NSF: variants seen among roughly 807,000 people sequenced by gnomAD.
NSF encodes vesicle-fusing ATPase.
A neutral mutation model predicts 50.3 loss-of-function variants in NSF; 14 were observed. The observed-to-expected ratio is 0.28, with a 90% CI of 0.18 to 0.44. The LOEUF (loss-of-function observed/expected upper bound fraction) is 0.44, where lower values mean the gene tolerates loss of function less well. Among genes scored for constraint, NSF ranks in the 20% least tolerant of loss-of-function variants. The pLI is 1.00. For synonymous variants in NSF, 109 were observed against 175.7 expected (o/e 0.62, Z 3.00); for missense variants, 218 against 504.3 (o/e 0.43, Z 5.44).
rs533376609 is a variant in NSF at position 46,601,878 on chromosome 17, T to TAAA, written c.12+11104_12+11106dup. Among the ~76,000 whole-genome samples, 93 of 140,748 alleles carry TAAA rather than the reference T, an allele frequency of 6.6e-4. 1 individual carries two copies. The highest frequency in any genetic ancestry group is 3.7e-3 in the Middle Eastern group (1 of 272). 92.3% of individuals were successfully genotyped at this position (140,748 alleles called of 152,430 possible). A position where few individuals can be genotyped will look rare whatever the true frequency, so the allele number is the denominator to read the frequency against. ...GGGAACAACTTAATCCCCACTCCTT[T>TAAA]AAAAAAAAAAAAAAAGACACTTTGG... On this transcript the variant is annotated intron_variant, in intron 1 of 20. Transcript: ENST00000398238.
intron 1 of NSF, among the ~76,000 whole-genome samples, chr17:46,622,420 G>T (rs2146135224): frequency 6.7e-6 from 1 of 150,044 alleles, no homozygotes; most frequent in Non-Finnish European, 1.5e-5. Flanking sequence ...ATCGCACCAG[G>T]GCAGTCCAGC....
At chr17:46,744,535 G>A (rs2059108820) in intron 17 of NSF, among the ~76,000 whole-genome samples, 2 of 152,024 alleles carry the variant, frequency 1.3e-5, no homozygotes, top group African/African-American at 4.8e-5. Context: ...TTTCTTTCCT[G>A]CATAACTGAC....
At chr17:46,721,479 A>G in intron 15 of NSF, 1 of 728,384 alleles carries the variant, frequency 1.4e-6, no homozygotes, top group Admixed American at 2.3e-5. Context: ...GTATGTTGAT[A>G]ATTTTACCTG....
intron 17 of NSF, 89 bp downstream of exon 17, chr17:46,729,023 A>G: frequency 1.2e-6 from 1 of 800,998 alleles, no homozygotes. Flanking sequence ...TAAGCAGGTT[A>G]TCATAAACAT....
intron 15 of NSF, among the ~76,000 whole-genome samples, 193 bp downstream of exon 15, chr17:46,714,179 T>C (rs1021246760): frequency 3.9e-5 from 6 of 152,242 alleles, no homozygotes; most frequent in African/African-American, 9.6e-5. Flanking sequence ...ATGTATTTTA[T>C]TGAGTACCTT....
chr17:46,744,106 G>A (rs567945957), intron 17 of NSF, among the ~76,000 whole-genome samples: 5 of 152,014 alleles, frequency 3.3e-5, no homozygotes, highest in Non-Finnish European at 5.9e-5. Flanking sequence ...GGTGCCCTCC[G>A]CCATGATTAG....
At chr17:46,736,140 A>T in intron 17 of NSF, among the ~76,000 whole-genome samples, 1 of 152,136 alleles carries the variant, frequency 6.6e-6, no homozygotes, top group East Asian at 1.9e-4. Flanking sequence ...CCCATCTCTC[A>T]TTCACTGAAA....
intron 20 of NSF, 199 bp downstream of exon 20, chr17:46,755,568 TC>T: frequency 1.5e-6 from 1 of 686,492 alleles, no homozygotes. Flanking sequence ...TCGCAAAACT[TC>T]CTTGTCACAA....
At chr17:46,740,527 TAA>T (rs113782831) in intron 17 of NSF, among the ~76,000 whole-genome samples, 2 of 152,274 alleles carry the variant, frequency 1.3e-5, no homozygotes, top group African/African-American at 4.8e-5. Context: ...ACTGTGGATA[TAA>T]GAGTGGGGAG....
intron 17 of NSF, among the ~76,000 whole-genome samples, chr17:46,739,370 CAAAAAAAAAA>C (rs1230180574): frequency 1.9e-5 from 1 of 53,192 alleles, no homozygotes; most frequent in Admixed American, 3.5e-4. Context: ...GACTCTGTCT[CAAAAAAAAAA>C]AAAAAAAAAA....
intron 17 of NSF, among the ~76,000 whole-genome samples, chr17:46,731,240 CCA>C (rs2058945827): frequency 6.6e-6 from 1 of 152,012 alleles, no homozygotes; most frequent in South Asian, 2.1e-4. Context: ...GTCAAAAAGA[CCA>C]CATATTGGAT....
At chr17:46,721,974 G>C in intron 15 of NSF, 1 of 1,604,736 alleles carries the variant, frequency 6.2e-7, no homozygotes, top group Admixed American at 1.7e-5. Context: ...TGAGGAACGG[G>C]AACAAAGATT....
chr17:46,725,133 C>T (rs959267329), intron 15 of NSF, among the ~76,000 whole-genome samples: 10 of 151,940 alleles, frequency 6.6e-5, no homozygotes, highest in Admixed American at 5.2e-4. Flanking sequence ...AATATATATA[C>T]GTAATATACA....
chr17:46,754,512 A>T (rs188018376), intron 19 of NSF, among the ~76,000 whole-genome samples: 11 of 152,224 alleles, frequency 7.2e-5, no homozygotes, highest in Admixed American at 7.2e-4. Flanking sequence ...TTACAATAAA[A>T]ATTCATCTTC....
intron 9 of NSF, among the ~76,000 whole-genome samples, chr17:46,679,816 T>C (rs155764): frequency 6.9e-3 from 911 of 132,566 alleles, no homozygotes; most frequent in Middle Eastern, 0.013. Flanking sequence ...ACAGTGGAAA[T>C]TCAAATACTT....
Position 46,755,357 on chromosome 17 carries a change from G to T in NSF, c.2201G>T (p.Arg734Ile). 1.9e-6 allele frequency: 3 copies of T among 1,613,346 alleles called. No homozygotes were observed. Among genetic ancestry groups the T allele is most frequent in the Non-Finnish European group, 2.5e-6 (3 of 1,179,248 alleles). Reference sequence around the variant, plus strand: ...GTGAGAAAATTCTTGGCCCTCTTAAGAGAAGAAGGAGCGTAAGTACATACA... The same window carrying T: ...GTGAGAAAATTCTTGGCCCTCTTAATAGAAGAAGGAGCGTAAGTACATACA... ...YRVRKFLALL[R>I]EEGASPLDFD Residue 734 changes from arginine to isoleucine, a missense_variant, in exon 20 of 21, where the codon AGA (arginine) becomes ATA (isoleucine). Transcript: ENST00000398238.
intron 17 of NSF, among the ~76,000 whole-genome samples, chr17:46,740,044 T>C (rs1313074118): frequency 6.6e-6 from 1 of 152,206 alleles, no homozygotes; most frequent in Non-Finnish European, 1.5e-5. Flanking sequence ...TCATAGGCCC[T>C]GGGCACTGTG....
intron 16 of NSF, among the ~76,000 whole-genome samples, chr17:46,727,108 C>T (rs2058896664): frequency 6.6e-6 from 1 of 152,102 alleles, no homozygotes; most frequent in Non-Finnish European, 1.5e-5. Flanking sequence ...TTGCTTATCC[C>T]ACAGAGTAAT....
chr17:46,731,695 GAAGT>G (rs1268481438), intron 17 of NSF, among the ~76,000 whole-genome samples: 3 of 152,112 alleles, frequency 2.0e-5, no homozygotes, highest in Non-Finnish European at 4.4e-5. Flanking sequence ...AAATATGTAA[GAAGT>G]AAGAGATGTG....
Sources: allele counts gnomAD v4.1 joint callset (sites outside exome capture counted in the v4.1 genomes callset), GRCh38; gene constraint gnomAD v4.1.1; transcripts MANE v1.5; gene names NCBI Gene and HGNC (gene_info 2026-07-23, HGNC 2026-07-21).